Variants in IL1R1 observed in about 807,000 individuals in gnomAD.
IL1R1 encodes the protein interleukin-1 receptor type 1.
IL1R1 carries 22 observed loss-of-function variants against 50.2 expected under a neutral mutation model. The observed-to-expected ratio is 0.44, with a 90% CI of 0.31 to 0.63. The LOEUF is 0.63. Ranked by LOEUF, IL1R1 falls within the 20% of genes least tolerant of loss-of-function variation. The pLI is 0.07. For synonymous variants in IL1R1, 251 were observed against 236.7 expected (o/e 1.06, Z -0.55); for missense variants, 509 against 676.2 (o/e 0.75, Z 2.74).
At chr2:102,149,574 C>T (rs1683470007) in intron 1 of IL1R1, among the ~76,000 whole-genome samples, 1 of 152,192 alleles carries the variant, frequency 6.6e-6, no homozygotes, top group African/African-American at 2.4e-5. Flanking sequence ...ACCAGCACCC[C>T]TGTTCTTAAC....
chr2:102,072,129 C>A (rs971791436), intron 1 of IL1R1, among the ~76,000 whole-genome samples: 2 of 151,538 alleles, frequency 1.3e-5, no homozygotes, highest in Admixed American at 6.6e-5. Context: ...GCATGGTGGC[C>A]TGTGCCTGTA....
intron 1 of IL1R1, among the ~76,000 whole-genome samples, chr2:102,109,295 C>T (rs992937664): frequency 6.6e-6 from 1 of 152,084 alleles, no homozygotes; most frequent in African/African-American, 2.4e-5. Flanking sequence ...ATTGAGTCAC[C>T]TACTAAAGGA....
upstream of IL1R1, among the ~76,000 whole-genome samples, chr2:102,141,089 G>T (rs1471082342): frequency 6.6e-6 from 1 of 152,220 alleles, no homozygotes; most frequent in Non-Finnish European, 1.5e-5. Flanking sequence ...CCATCATAGT[G>T]CTTCTGGGCT....
intron 1 of IL1R1, among the ~76,000 whole-genome samples, chr2:102,080,513 A>T (rs992511144): frequency 6.6e-6 from 1 of 152,228 alleles, no homozygotes; most frequent in Non-Finnish European, 1.5e-5. Flanking sequence ...GCAAAGCAAA[A>T]CATACTAAGA....
chr2:102,161,868 T>A (rs1684759895), intron 3 of IL1R1, among the ~76,000 whole-genome samples: 1 of 151,846 alleles, frequency 6.6e-6, no homozygotes, highest in African/African-American at 2.4e-5. Flanking sequence ...CCTGGCTGAT[T>A]TTTTTTGTAT....
chr2:102,172,031 C>CTTTTTTTTTTTTTTTTTTTTTT (rs35265416), intron 8 of IL1R1, 113 bp downstream of exon 8: 3 of 87,246 alleles, frequency 3.4e-5, no homozygotes, highest in Non-Finnish European at 2.0e-5. Context: ...CCTTTGCTGC[C>CTTTTTTTTTTTTTTTTTTTTTT]TTTTTTTTTT....
intron 1 of IL1R1, among the ~76,000 whole-genome samples, chr2:102,115,405 C>A (rs1681013551): frequency 6.6e-6 from 1 of 152,176 alleles, no homozygotes; most frequent in South Asian, 2.1e-4. Flanking sequence ...TTTTTTAAGG[C>A]ACTGTGGATA....
chr2:102,165,450 T>G, intron 5 of IL1R1, 146 bp downstream of exon 5: 1 of 454,550 alleles, frequency 2.2e-6, no homozygotes, highest in Non-Finnish European at 3.9e-6. Flanking sequence ...TAAAAAGAAT[T>G]GTAAGACTGC....
intron 1 of IL1R1, among the ~76,000 whole-genome samples, chr2:102,113,976 T>A (rs912245255): frequency 6.6e-6 from 1 of 152,226 alleles, no homozygotes; most frequent in African/African-American, 2.4e-5. Flanking sequence ...CACATCATTA[T>A]GCCAAAATAG....
At chr2:102,176,155 C>G (rs1397430477) in intron 11 of IL1R1, 198 bp from the exon 12 acceptor site, 4 of 550,758 alleles carry the variant, frequency 7.3e-6, no homozygotes, top group Non-Finnish European at 1.3e-5. Context: ...CCACTGCGCT[C>G]CAGTGTGAGC....
chr2:102,176,288 T>G, intron 11 of IL1R1, 65 bp from the exon 12 acceptor site: 2 of 1,437,328 alleles, frequency 1.4e-6, no homozygotes, highest in Non-Finnish European at 1.9e-6. Context: ...TTGTGTGGCT[T>G]TGGTTCAGGA....
At chr2:102,119,903 T>G (rs1681310943) in intron 1 of IL1R1, among the ~76,000 whole-genome samples, 1 of 152,210 alleles carries the variant, frequency 6.6e-6, no homozygotes, top group African/African-American at 2.4e-5. Context: ...CCTTCAGAAC[T>G]TATTCATTTC....
intron 1 of IL1R1, among the ~76,000 whole-genome samples, chr2:102,136,602 C>T (rs1462996390): frequency 6.6e-6 from 1 of 151,794 alleles, no homozygotes; most frequent in African/African-American, 2.4e-5. Context: ...GGTCTCGAAC[C>T]CCTGACCTCG....
At chr2:102,152,669 C>A (rs575849349) in intron 1 of IL1R1, among the ~76,000 whole-genome samples, 2 of 151,978 alleles carry the variant, frequency 1.3e-5, no homozygotes, top group South Asian at 4.2e-4. Context: ...TAATTCCCAG[C>A]AGCTGCTTTC....
At chr2:102,161,613 G>A (rs1684734368) in intron 3 of IL1R1, among the ~76,000 whole-genome samples, 2 of 152,090 alleles carry the variant, frequency 1.3e-5, no homozygotes, top group Non-Finnish European at 2.9e-5. Context: ...GTATTTTGAA[G>A]CACTGTTAGC....
At chr2:102,127,329 A>T (rs1467104680) in intron 1 of IL1R1, among the ~76,000 whole-genome samples, 1 of 152,204 alleles carries the variant, frequency 6.6e-6, no homozygotes, top group African/African-American at 2.4e-5. Context: ...GAGTTGAGGG[A>T]GAGAAGAGAA....
chr2:102,138,926 C>T (rs886484417), upstream of IL1R1, among the ~76,000 whole-genome samples: 1 of 152,292 alleles, frequency 6.6e-6, no homozygotes, highest in Admixed American at 6.5e-5. Flanking sequence ...CTCATTTCCA[C>T]CTGATGGTAG....
chr2:102,127,005 G>A (rs1577907874), intron 1 of IL1R1, among the ~76,000 whole-genome samples: 1 of 152,304 alleles, frequency 6.6e-6, no homozygotes, highest in Non-Finnish European at 1.5e-5. Flanking sequence ...GCTGTTCTAA[G>A]CTCCTGTGCA....
At chr2:102,140,578 A>G (rs4141633), upstream of IL1R1, among the ~76,000 whole-genome samples, 148,818 of 152,358 alleles carry the variant, frequency 0.98, 72,695 homozygotes, top group East Asian at 1. Context: ...CAGTGTAAGC[A>G]GTAGGCTTTA....
Sources: allele counts gnomAD v4.1 joint callset (sites outside exome capture counted in the v4.1 genomes callset), GRCh38; gene constraint gnomAD v4.1.1; transcripts MANE v1.5; gene names NCBI Gene and HGNC (gene_info 2026-07-23, HGNC 2026-07-21).